The following CNIH4 variants were observed in gnomAD, a reference collection of about 807,000 sequenced individuals.
CNIH4 encodes protein cornichon homolog 4.
CNIH4 carries 9 observed loss-of-function variants against 21.5 expected under a neutral mutation model. The ratio of observed to expected loss-of-function variants is 0.42; its 90% CI spans 0.25 to 0.73. The LOEUF (loss-of-function observed/expected upper bound fraction) is 0.73. CNIH4 is among the 30% of genes least tolerant of loss of function. CNIH4 has a pLI of 0.27. For synonymous variants in CNIH4, 67 were observed against 59.1 expected (o/e 1.13, Z -0.61); for missense variants, 159 against 170.0 (o/e 0.94, Z 0.36).
chr1:224,361,205 T>A (rs1672279413), intron 2 of CNIH4, among the ~76,000 whole-genome samples: 1 of 149,448 alleles, frequency 6.7e-6, no homozygotes, highest in Non-Finnish European at 1.5e-5. Flanking sequence ...AGCCTCTGCC[T>A]CCCAGGTTCA....
At chr1:224,360,941 A>C (rs1672269409) in intron 2 of CNIH4, among the ~76,000 whole-genome samples, 4 of 152,014 alleles carry the variant, frequency 2.6e-5, no homozygotes, top group Admixed American at 2.0e-4. Flanking sequence ...TGTGTAGTTT[A>C]CCGAGAAAAT....
At chr1:224,370,197 G>A (rs1435054269) in intron 3 of CNIH4, among the ~76,000 whole-genome samples, 1 of 152,082 alleles carries the variant, frequency 6.6e-6, no homozygotes, top group Non-Finnish European at 1.5e-5. Flanking sequence ...AGTTGGGTAA[G>A]AGGAAGTTTT....
At position 224,376,458 on chromosome 1, in the gene CNIH4, A is replaced by G; in HGVS notation, c.*636A>G. 5.1e-6 allele frequency: 5 copies of G among 985,400 alleles called. No individual in the cohort carries two copies. Among genetic ancestry groups the G allele is most frequent in the Non-Finnish European group, 6.0e-6 (5 of 829,920 alleles). The allele number at this position is 985,400 out of a possible 1,614,324, so 61.0% of individuals were successfully genotyped here. ...GATAGAAAGGAAATATTTTGTCAAGAGCTTTCATTTAAAAGCTACTACCTC... is the reference window on the plus strand; with the variant it reads ...GATAGAAAGGAAATATTTTGTCAAGGGCTTTCATTTAAAAGCTACTACCTC... On this transcript the variant is annotated 3_prime_UTR_variant, in exon 5 of 5. Transcript: ENST00000465271.
rs1672767123 is a variant in CNIH4, at chr1:224,375,858, A to G, written c.*36A>G. On this transcript the variant is annotated 3_prime_UTR_variant, in exon 5 of 5. Coordinates refer to ENST00000465271, the MANE Select transcript of CNIH4 (RefSeq NM_014184.4). ...GCCGTGGTTGAAGTCAGCCTACACT[A>G]CAGTGCACAGTTGAGGAGCCAGAGA... The G allele has an allele frequency of 3.7e-6, 6 of 1,612,964 alleles. No individual in the cohort carries two copies. Among genetic ancestry groups the G allele is most frequent in the Non-Finnish European group, 5.1e-6 (6 of 1,179,356 alleles).
intron 4 of CNIH4, among the ~76,000 whole-genome samples, chr1:224,373,869 G>A (rs1672706639): frequency 6.6e-6 from 1 of 152,194 alleles, no homozygotes; most frequent in Admixed American, 6.6e-5. Context: ...TTGGACTGGA[G>A]GAATTAAGAT....
At chr1:224,361,776 G>A (rs1672295470) in intron 2 of CNIH4, among the ~76,000 whole-genome samples, 1 of 151,432 alleles carries the variant, frequency 6.6e-6, no homozygotes, top group South Asian at 2.1e-4. Flanking sequence ...GTAGAGACAG[G>A]GTTTCACTAT....
At chr1:224,367,768 C>G (rs936144735) in intron 3 of CNIH4, among the ~76,000 whole-genome samples, 2 of 152,214 alleles carry the variant, frequency 1.3e-5, no homozygotes, top group African/African-American at 4.8e-5. Flanking sequence ...GAGCTCTGAG[C>G]TGGGAACACA....
intron 2 of CNIH4, among the ~76,000 whole-genome samples, chr1:224,364,806 G>A (rs1383754797): frequency 6.6e-6 from 1 of 151,966 alleles, no homozygotes; most frequent in Non-Finnish European, 1.5e-5. Flanking sequence ...GGTGGCGGGC[G>A]CCTGTAGTCC....
chr1:224,376,417 C>G lies in CNIH4; in HGVS notation c.*595C>G. ...CCTTATAAGCCATTTTCCCCAGGTA[C>G]AATGTAGTTCCTGCTGATAGAAAGG... On this transcript the variant is annotated 3_prime_UTR_variant, in exon 5 of 5. Coordinates refer to ENST00000465271, the MANE Select transcript of CNIH4 (RefSeq NM_014184.4). 3 of 985,330 alleles carry G rather than the reference C, an allele frequency of 3.0e-6. No homozygotes were observed. The highest frequency in any genetic ancestry group is 3.6e-6 in the Non-Finnish European group (3 of 829,900). The allele number at this position is 985,330 out of a possible 1,614,324, so 61.0% of individuals were successfully genotyped here.
rs1672773299 is a variant in CNIH4 at position 224,376,059 on chromosome 1, A to G, written c.*237A>G. ...ACGCCAACACTTGAAGGTGTTTTTC[A>G]TCCTCTGTATGTTGAAGGTGGTTAT... On this transcript the variant is annotated 3_prime_UTR_variant, in exon 5 of 5. Coordinates refer to ENST00000465271, the MANE Select transcript of CNIH4 (RefSeq NM_014184.4). The G allele has an allele frequency of 8.2e-7, 1 of 1,225,826 alleles. No homozygotes were observed. The highest frequency in any genetic ancestry group is 1.0e-6 in the Non-Finnish European group (1 of 980,048). 75.9% of individuals were successfully genotyped at this position (1,225,826 alleles called of 1,614,324 possible).
chr1:224,370,668 T>A (rs141671632), intron 3 of CNIH4, among the ~76,000 whole-genome samples: 268 of 152,332 alleles, frequency 1.8e-3, no homozygotes, highest in Middle Eastern at 3.4e-3. Context: ...GGGCTGTAGA[T>A]GTGACTGGTA....
chr1:224,364,936 A>G (rs1245288287), intron 2 of CNIH4, among the ~76,000 whole-genome samples: 18 of 151,926 alleles, frequency 1.2e-4, no homozygotes, highest in Admixed American at 1.2e-3. Context: ...AAAAAAAAGT[A>G]TAACCAAGTT....
intron 4 of CNIH4, among the ~76,000 whole-genome samples, chr1:224,375,168 GC>G (rs1441552311): frequency 6.6e-6 from 1 of 152,144 alleles, no homozygotes; most frequent in Non-Finnish European, 1.5e-5. Flanking sequence ...GTAATTGCAG[GC>G]CCGGTTGCTA....
chr1:224,365,930 A>G lies in CNIH4; in HGVS notation c.190A>G (p.Met64Val). 1 of 1,613,426 alleles carries G rather than the reference A, an allele frequency of 6.2e-7. No homozygotes were observed. The highest frequency in any genetic ancestry group is 1.7e-5 in the Admixed American group (1 of 60,032). The stretch of plus-strand genomic sequence containing the variant: ...TACCATTGTCACTGTATTACTGCTC[A>G]TGTCATTGCACTGGTTCATCTTCCT... ...GHTIVTVLLL[M>V]SLHWFIFLLN... The change falls in exon 3 of 5, where the codon ATG becomes GTG. Residue 64 changes from methionine to valine, a missense_variant. By Grantham distance (21) the Met-to-Val change is conservative. Transcript: ENST00000465271.
chr1:224,376,272 A>C lies in CNIH4; in HGVS notation c.*450A>C. 1 of 986,588 alleles carries C rather than the reference A, an allele frequency of 1.0e-6. No homozygotes were observed. Among genetic ancestry groups the C allele is most frequent in the Non-Finnish European group, 1.2e-6 (1 of 830,748 alleles). 61.1% of individuals were successfully genotyped at this position (986,588 alleles called of 1,614,324 possible). ...AATTACCCTTTTTGCTTGTGTTGTG[A>C]CAACTTCATTTAATATGGTTTAAAG... On this transcript the variant is annotated 3_prime_UTR_variant, in exon 5 of 5. Transcript: ENST00000465271.
At chr1:224,356,858 C>A, upstream of CNIH4, 2 of 1,366,342 alleles carry the variant, frequency 1.5e-6, no homozygotes, top group East Asian at 2.4e-5. Context: ...CGGCAAGGGC[C>A]TATCAGGGGT....
At chr1:224,361,624 C>T (rs747920270) in intron 2 of CNIH4, among the ~76,000 whole-genome samples, 13 of 152,168 alleles carry the variant, frequency 8.5e-5, no homozygotes, top group Non-Finnish European at 5.9e-5. Context: ...ACTCTGTTGC[C>T]CAGGCTGGAG....
At chr1:224,369,244 T>C (rs550261155) in intron 3 of CNIH4, among the ~76,000 whole-genome samples, 6 of 152,348 alleles carry the variant, frequency 3.9e-5, no homozygotes, top group African/African-American at 1.4e-4. Flanking sequence ...TGTCAGACAC[T>C]GGAAGCCTTA....
chr1:224,356,803 G>C, upstream of CNIH4: 1 of 794,592 alleles, frequency 1.3e-6, no homozygotes, highest in Non-Finnish European at 2.2e-6. Context: ...TACAACTCCC[G>C]GCATGCCACA....
Sources: gnomAD v4.1 joint callset for allele counts (sites outside exome capture counted in the v4.1 genomes callset) on GRCh38, gnomAD v4.1.1 for gene constraint, MANE v1.5 for transcripts, NCBI Gene and HGNC (gene_info 2026-07-23, HGNC 2026-07-21) for gene names.